TMEM169: variants seen among roughly 807,000 people sequenced by gnomAD.
TMEM169 encodes the protein transmembrane protein 169.
In TMEM169, 18 loss-of-function variants were observed where a neutral mutation model predicts 27.3. That is an observed-to-expected ratio of 0.66 (90% CI 0.46 to 0.98). The LOEUF (loss-of-function observed/expected upper bound fraction) is 0.98, where lower values mean the gene tolerates loss of function less well. TMEM169 is among the 50% of genes least tolerant of loss of function. TMEM169 has a pLI of 0.00. For synonymous variants in TMEM169, 136 were observed against 142.1 expected (o/e 0.96, Z 0.30); for missense variants, 320 against 368.6 (o/e 0.87, Z 1.08).
At position 216,099,701 on chromosome 2, in the gene TMEM169, C is replaced by T. The variant is rs1696341410; in HGVS notation, c.272-219C>T. ...CCTGCCTCACAATTTTATCAGGGCC[C>T]AGGCACAAGGACTGAGAGTTCATGT... On this transcript the variant is annotated intron_variant, in intron 2 of 2. Coordinates refer to ENST00000437356, the MANE Select transcript of TMEM169 (RefSeq NM_001142311.2). This position sits in a 1 kb window ranked among gnomAD's most constrained non-coding sequence, Gnocchi z 5.0. Among the ~76,000 whole-genome samples the T allele has an allele frequency of 6.6e-6, 1 of 152,096 alleles. No homozygotes were observed. The highest frequency in any genetic ancestry group is 1.5e-5 in the Non-Finnish European group (1 of 68,004).
At chr2:216,096,368 T>C in intron 2 of TMEM169, 134 bp downstream of exon 2, 1 of 1,057,712 alleles carries the variant, frequency 9.5e-7, no homozygotes. Flanking sequence ...TTACCACCTT[T>C]TATTTATTTA....
chr2:216,088,787 T>A (rs16855412), intron 1 of TMEM169, among the ~76,000 whole-genome samples: 1 of 152,292 alleles, frequency 6.6e-6, no homozygotes, highest in Non-Finnish European at 1.5e-5. Context: ...CCATAAATGT[T>A]GTGGTGTTTC....
At chr2:216,083,448 G>T (rs917338718) in intron 1 of TMEM169, among the ~76,000 whole-genome samples, 1 of 151,958 alleles carries the variant, frequency 6.6e-6, no homozygotes, top group Non-Finnish European at 1.5e-5. Context: ...TTGTGGGTGG[G>T]GACACTTTAA....
chr2:216,091,666 T>C (rs1696132710), intron 1 of TMEM169, among the ~76,000 whole-genome samples: 1 of 151,474 alleles, frequency 6.6e-6, no homozygotes, highest in Admixed American at 6.6e-5. Flanking sequence ...AAGTGAGTCC[T>C]ACCAAACCCC....
chr2:216,093,723 A>G (rs12619744), intron 1 of TMEM169, among the ~76,000 whole-genome samples: 58,425 of 151,736 alleles, frequency 0.39, 12,429 homozygotes, highest in East Asian at 0.66. Flanking sequence ...GCAGAGGAGA[A>G]CTCCCCTGCC....
chr2:216,092,664 A>G lies in TMEM169; in HGVS notation c.-126-3174A>G, dbSNP rs148916052. On this transcript the variant is annotated intron_variant, in intron 1 of 2. Transcript: ENST00000437356. ...TTGGTACATCTTTAAAGAAGGAGTAAGGAGTACAGAACATAAACCTTCTCC... is the reference window on the plus strand; with the variant it reads ...TTGGTACATCTTTAAAGAAGGAGTAGGGAGTACAGAACATAAACCTTCTCC... Among the ~76,000 whole-genome samples the G allele has an allele frequency of 2.4e-3, 371 of 152,320 alleles. 2 individuals carry two copies. The highest frequency in any genetic ancestry group is 4.3e-3 in the South Asian group (21 of 4,828).
intron 1 of TMEM169, among the ~76,000 whole-genome samples, chr2:216,095,131 T>C (rs1303116702): frequency 6.7e-6 from 1 of 149,516 alleles, no homozygotes; most frequent in African/African-American, 2.5e-5. Context: ...TTTGACAGAG[T>C]CTCGCTCCGT....
Position 216,099,881 on chromosome 2 carries a change from T to C in TMEM169, c.272-39T>C. Reference sequence around the variant, plus strand: ...TGCAACATGGAGATGCAATGCCCACTCTTCTGATCTTGACTCTCACCTCCT... The same window carrying C: ...TGCAACATGGAGATGCAATGCCCACCCTTCTGATCTTGACTCTCACCTCCT... On this transcript the variant is annotated intron_variant, in intron 2 of 2. Transcript: ENST00000437356. This position sits in a 1 kb window ranked among gnomAD's most constrained non-coding sequence, Gnocchi z 5.0. The C allele has an allele frequency of 6.4e-7, 1 of 1,573,324 alleles. No homozygotes were observed. Among genetic ancestry groups the C allele is most frequent in the East Asian group, 2.2e-5 (1 of 44,678 alleles).
intron 1 of TMEM169, among the ~76,000 whole-genome samples, chr2:216,087,081 T>C (rs1696017508): frequency 6.6e-6 from 1 of 152,140 alleles, no homozygotes; most frequent in Non-Finnish European, 1.5e-5. Flanking sequence ...CGAATGAGTC[T>C]GTCTTGAGCC....
chr2:216,086,545 C>G (rs1199683527), intron 1 of TMEM169, among the ~76,000 whole-genome samples: 2 of 152,202 alleles, frequency 1.3e-5, no homozygotes, highest in East Asian at 3.8e-4. Context: ...TTAGAACCTG[C>G]TTCTCAGATC....
intron 2 of TMEM169, among the ~76,000 whole-genome samples, chr2:216,098,767 G>T (rs1485090154): frequency 6.6e-6 from 1 of 150,728 alleles, no homozygotes; most frequent in Non-Finnish European, 1.5e-5. Flanking sequence ...TGTGGTGTAT[G>T]TGGGGGTGTG....
chr2:216,089,570 C>T (rs531369835), intron 1 of TMEM169, among the ~76,000 whole-genome samples: 2 of 152,348 alleles, frequency 1.3e-5, no homozygotes, highest in African/African-American at 4.8e-5. Flanking sequence ...GATTCTCCTG[C>T]CTCAGCCTCC....
intron 1 of TMEM169, among the ~76,000 whole-genome samples, chr2:216,088,450 C>T (rs753845581): frequency 1.3e-5 from 2 of 152,182 alleles, no homozygotes; most frequent in Non-Finnish European, 2.9e-5. Flanking sequence ...GGCGACAGAG[C>T]GAGACTCCGT....
At chr2:216,088,466 A>G (rs1328148962) in intron 1 of TMEM169, among the ~76,000 whole-genome samples, 1 of 152,192 alleles carries the variant, frequency 6.6e-6, no homozygotes, top group Non-Finnish European at 1.5e-5. Flanking sequence ...TCCGTCTCAA[A>G]ACAAACAAAC....
At position 216,102,013 on chromosome 2, in the gene TMEM169, CAT is replaced by C. The variant is rs1696407798; in HGVS notation, c.*1472_*1473del. ...CTTTGCAATTAAGCTTCTGTAATGT[CAT>C]GTGATTTGTTTTTGGAAAGGAATAG... On this transcript the variant is annotated 3_prime_UTR_variant, in exon 3 of 3. Transcript: ENST00000437356. 1 of 152,078 alleles carries C rather than the reference CAT, an allele frequency of 6.6e-6. No homozygotes were observed. Among genetic ancestry groups the C allele is most frequent in the Non-Finnish European group, 1.5e-5 (1 of 68,034 alleles). 9.4% of individuals were successfully genotyped at this position (152,078 alleles called of 1,614,324 possible).
In TMEM169 at chr2:216,100,097, G is replaced by C. The variant is rs1362888346; in HGVS notation, c.449G>C (p.Cys150Ser). 34 of 1,614,172 alleles carry C rather than the reference G, an allele frequency of 2.1e-5. No individual in the cohort carries two copies. The highest frequency in any genetic ancestry group is 2.7e-5 in the Non-Finnish European group (32 of 1,180,030). The change falls in exon 3 of 3, where the codon TGC (cysteine) becomes TCC (serine). Residue 150 changes from cysteine (C) to serine (S), a missense_variant. Transcript: ENST00000437356. ...ACGACGCCTGAAGGAAGAATGGCCT[G>C]CCAGATGGGAGCTGACCGTGGGCCC... The part of the protein sequence containing the change: ...RETTPEGRMA[C>S]QMGADRGPHV...
intron 2 of TMEM169, 44 bp downstream of exon 2, chr2:216,096,278 C>T: frequency 1.3e-6 from 2 of 1,582,422 alleles, no homozygotes; most frequent in Non-Finnish European, 1.7e-6. Flanking sequence ...GGGAAGGAAA[C>T]CAAAAGGGCA....
chr2:216,099,102 T>C lies in TMEM169; in HGVS notation c.272-818T>C, dbSNP rs549359666. Among the ~76,000 whole-genome samples the C allele has an allele frequency of 4.6e-5, 7 of 150,846 alleles. No individual in the cohort carries two copies. In the East Asian group the frequency reaches 1.4e-3, roughly 29 times the overall value. On this transcript the variant is annotated intron_variant, in intron 2 of 2. Transcript: ENST00000437356. This position sits in a 1 kb window ranked among gnomAD's most constrained non-coding sequence, Gnocchi z 5.0. ...TGTGTGGTGTGTTATGTGTGTATGT[T>C]GCATGTATGTGTGATATGTATGGGT...
intron 1 of TMEM169, among the ~76,000 whole-genome samples, chr2:216,088,427 A>G (rs1696056849): frequency 6.6e-6 from 1 of 152,204 alleles, no homozygotes; most frequent in Non-Finnish European, 1.5e-5. Context: ...TCACGCCACT[A>G]CACTCCAGCT....
Sources: allele counts gnomAD v4.1 joint callset (sites outside exome capture counted in the v4.1 genomes callset), GRCh38; gene constraint gnomAD v4.1.1; non-coding constraint Gnocchi (gnomAD v3.1); transcripts MANE v1.5; gene names NCBI Gene and HGNC (gene_info 2026-07-23, HGNC 2026-07-21).